Variants in PIK3C2A observed in about 807,000 individuals in gnomAD.
PIK3C2A encodes phosphatidylinositol-4-phosphate 3-kinase catalytic subunit type 2 alpha, also known as phosphatidylinositol 4-phosphate 3-kinase C2 domain-containing subunit alpha.
Under a neutral mutation model 204.5 loss-of-function variants are expected in PIK3C2A, and 97 were observed. The observed-to-expected ratio is 0.47, with a 90% CI of 0.40 to 0.56. PIK3C2A has a LOEUF of 0.56. Ranked by LOEUF, PIK3C2A falls within the 20% of genes least tolerant of loss-of-function variation. The pLI, the probability that PIK3C2A is intolerant of heterozygous loss-of-function variation, is 0.00. For missense variants in PIK3C2A, 1,735 were observed against 1,969.2 expected, an observed-to-expected ratio of 0.88 and a Z score of 2.25; for synonymous variants, 653 against 664.4, an observed-to-expected ratio of 0.98 and a Z score of 0.26.
At chr11:17,106,662 G>C (rs534407811) in intron 22 of PIK3C2A, among the ~76,000 whole-genome samples, 83 of 152,172 alleles carry the variant, frequency 5.5e-4, no homozygotes, top group African/African-American at 1.9e-3. Flanking sequence ...GGCTGGTCTT[G>C]AACTCCCATC....
At chr11:17,105,685 T>C (rs1214183537) in intron 22 of PIK3C2A, among the ~76,000 whole-genome samples, 1 of 152,224 alleles carries the variant, frequency 6.6e-6, no homozygotes, top group African/African-American at 2.4e-5. Context: ...CTGAGAATGA[T>C]GGCTTCCAGC....
Position 17,121,104 on chromosome 11 carries a change from TTTTTC to T in PIK3C2A, c.2657+1079_2657+1083del, listed in dbSNP as rs533558948. ...CCTATTGATGGACATTTCCAATCAA[TTTTTC>T]TTTTCTTTTCTTTTCTTTTCTTTTT... On this transcript the variant is annotated intron_variant, in intron 15 of 32. Transcript: ENST00000691414. 5.5e-3 allele frequency among the ~76,000 whole-genome samples: 838 copies of T among 152,156 alleles called. 1 individual carries two copies. The highest frequency in any genetic ancestry group is 0.014 in the Middle Eastern group (4 of 294).
intron 1 of PIK3C2A, among the ~76,000 whole-genome samples, chr11:17,179,018 C>T (rs1482316287): frequency 6.6e-6 from 1 of 151,520 alleles, no homozygotes; most frequent in Middle Eastern, 3.4e-3. Flanking sequence ...CGTGAGCCAC[C>T]GCGCCCCCGC....
At chr11:17,200,440 AG>A (rs1852326401) in intron 1 of PIK3C2A, among the ~76,000 whole-genome samples, 1 of 140,500 alleles carries the variant, frequency 7.1e-6, no homozygotes, top group South Asian at 2.4e-4. Flanking sequence ...TTAATAAAAA[AG>A]AGACATGTTA....
At chr11:17,202,080 A>G (rs995901709) in intron 1 of PIK3C2A, among the ~76,000 whole-genome samples, 1 of 151,858 alleles carries the variant, frequency 6.6e-6, no homozygotes, top group Admixed American at 6.6e-5. Context: ...AAATGGTGAA[A>G]CCCCATCTCT....
At chr11:17,158,912 T>C (rs1293566055) in intron 2 of PIK3C2A, among the ~76,000 whole-genome samples, 1 of 152,152 alleles carries the variant, frequency 6.6e-6, no homozygotes, top group African/African-American at 2.4e-5. Flanking sequence ...TAGTCACACA[T>C]CAAGGTAATA....
chr11:17,116,825 G>C (rs1849210372), intron 19 of PIK3C2A, among the ~76,000 whole-genome samples: 1 of 152,052 alleles, frequency 6.6e-6, no homozygotes, highest in Admixed American at 6.6e-5. Flanking sequence ...TCCTGACCTC[G>C]TGATCTGCCC....
intron 1 of PIK3C2A, among the ~76,000 whole-genome samples, chr11:17,192,946 C>T (rs1851991511): frequency 6.6e-6 from 1 of 152,216 alleles, no homozygotes; most frequent in Non-Finnish European, 1.5e-5. Flanking sequence ...GATGATTAGG[C>T]CAGGAGGGCA....
chr11:17,184,280 T>G (rs1461643314), intron 1 of PIK3C2A, among the ~76,000 whole-genome samples: 2 of 151,780 alleles, frequency 1.3e-5, no homozygotes, highest in Non-Finnish European at 2.9e-5. Flanking sequence ...AGGAGGTATT[T>G]CAGAAGACGG....
chr11:17,176,158 C>T (rs1220371303), intron 1 of PIK3C2A, among the ~76,000 whole-genome samples: 1 of 151,176 alleles, frequency 6.6e-6, no homozygotes, highest in African/African-American at 2.5e-5. Flanking sequence ...TGCCCACCAC[C>T]ATGCCCGGCT....
intron 1 of PIK3C2A, among the ~76,000 whole-genome samples, chr11:17,205,735 A>T (rs938633765): frequency 6.6e-6 from 1 of 152,232 alleles, no homozygotes; most frequent in Admixed American, 6.5e-5. Context: ...TATTAATTGC[A>T]GAAGAAACAA....
At chr11:17,156,649 T>G (rs1438014174) in intron 2 of PIK3C2A, among the ~76,000 whole-genome samples, 2 of 152,198 alleles carry the variant, frequency 1.3e-5, no homozygotes, top group Non-Finnish European at 2.9e-5. Flanking sequence ...CACAAGATGA[T>G]TCTGTGTGAG....
intron 13 of PIK3C2A, among the ~76,000 whole-genome samples, chr11:17,124,518 C>T (rs2137356848): frequency 6.6e-6 from 1 of 150,756 alleles, no homozygotes; most frequent in South Asian, 2.1e-4. Context: ...TGCAGTGGCA[C>T]AATACATTTG....
intron 22 of PIK3C2A, among the ~76,000 whole-genome samples, chr11:17,109,944 TA>T (rs869066523): frequency 6.6e-6 from 1 of 152,168 alleles, no homozygotes; most frequent in African/African-American, 2.4e-5. Flanking sequence ...TACACTAGGT[TA>T]AAAAAATTTT....
rs200686537 is a variant in PIK3C2A at position 17,113,780 on chromosome 11, T to TC, written c.3321+580dup. Among the ~76,000 whole-genome samples, 206 of 78,240 alleles carry TC rather than the reference T, an allele frequency of 2.6e-3. 7 individuals are homozygous for TC. Among genetic ancestry groups the TC allele is most frequent in the Middle Eastern group, 0.011 (1 of 94 alleles). 51.3% of individuals were successfully genotyped at this position (78,240 alleles called of 152,430 possible). ...CTGAGTGACAGAGCAAGACTCCATC[T>TC]CAAAAAAAAAAAAAAAAAAGGCCAG... On this transcript the variant is annotated intron_variant, in intron 20 of 32. Transcript: ENST00000691414.
In PIK3C2A at chr11:17,129,357, T is replaced by C; in HGVS notation, c.2342A>G (p.Gln781Arg). Residue 781 changes from glutamine (Q) to arginine (R), a missense_variant, in exon 13 of 33, where the codon CAG becomes CGG. By Grantham distance (43) the Gln-to-Arg change is conservative (BLOSUM62 1). This residue lies in a region of PIK3C2A where 567 missense variants were observed against 576.0 expected (regional missense o/e 0.98). Transcript: ENST00000691414. ...GCCCAAAGCTTCTGGTCCCTTTCTCTGCTTATTAGAATCAGGGGAACTTCC... is the reference window on the plus strand; with the variant it reads ...GCCCAAAGCTTCTGGTCCCTTTCTCCGCTTATTAGAATCAGGGGAACTTCC... ...SSGSSPDSNK[Q>R]RKGPEALGKV... 6.2e-7 allele frequency: 1 copy of C among 1,613,914 alleles called. No homozygotes were observed. Among genetic ancestry groups the C allele is most frequent in the Non-Finnish European group, 8.5e-7 (1 of 1,179,776 alleles).
chr11:17,200,747 G>A (rs979182689), intron 1 of PIK3C2A, among the ~76,000 whole-genome samples: 1 of 152,148 alleles, frequency 6.6e-6, no homozygotes. Flanking sequence ...GAACTATACA[G>A]AACTTTACAC....
At chr11:17,095,255 G>C (rs1249693632) in intron 27 of PIK3C2A, among the ~76,000 whole-genome samples, 3 of 152,004 alleles carry the variant, frequency 2.0e-5, no homozygotes, top group Admixed American at 1.3e-4. Context: ...AATAGAGCGA[G>C]ACCGTTTCTC....
At chr11:17,174,900 C>CA (rs946910350) in intron 1 of PIK3C2A, among the ~76,000 whole-genome samples, 16 of 149,188 alleles carry the variant, frequency 1.1e-4, no homozygotes, top group Admixed American at 6.7e-4. Flanking sequence ...AACTCTGTCT[C>CA]AAAAAAAAAT....
Sources: gnomAD v4.1 joint callset for allele counts (sites outside exome capture counted in the v4.1 genomes callset) on GRCh38, gnomAD v4.1.1 for gene constraint, gnomAD v4.1.1 regional missense constraint, MANE v1.5 for transcripts, NCBI Gene and HGNC (gene_info 2026-07-23, HGNC 2026-07-21) for gene names.